Variants in ESCO1 observed in about 807,000 individuals in gnomAD.
ESCO1 encodes N-acetyltransferase ESCO1.
In ESCO1, 33 loss-of-function variants were observed where a neutral mutation model predicts 83.5. The ratio of observed to expected loss-of-function variants is 0.40; its 90% confidence interval spans 0.30 to 0.53. The LOEUF is 0.53. Ranked by LOEUF, ESCO1 falls within the 20% of genes least tolerant of loss-of-function variation. ESCO1 has a pLI of 0.63. For missense variants in ESCO1, 855 were observed against 968.0 expected (o/e 0.88, Z 1.55); for synonymous variants, 332 against 324.3 (o/e 1.02, Z -0.25).
intron 10 of ESCO1, among the ~76,000 whole-genome samples, chr18:21,533,904 T>C (rs1173368272): frequency 6.6e-6 from 1 of 152,136 alleles, no homozygotes; most frequent in African/African-American, 2.4e-5. Flanking sequence ...TATTTACTCA[T>C]TTATTATTTT....
intron 4 of ESCO1, among the ~76,000 whole-genome samples, chr18:21,570,934 C>A (rs1312384228): frequency 6.6e-6 from 1 of 151,488 alleles, no homozygotes; most frequent in Non-Finnish European, 1.5e-5. Flanking sequence ...CCGAGATGCA[C>A]CACTGCACTC....
chr18:21,555,974 G>C (rs1047502458), intron 8 of ESCO1, among the ~76,000 whole-genome samples: 4 of 151,918 alleles, frequency 2.6e-5, no homozygotes, highest in Non-Finnish European at 5.9e-5. Flanking sequence ...AATAAAACAG[G>C]GTGGGCGCAG....
At chr18:21,599,418 G>A (rs1231832370) in intron 1 of ESCO1, among the ~76,000 whole-genome samples, 1 of 152,198 alleles carries the variant, frequency 6.6e-6, no homozygotes, top group African/African-American at 2.4e-5. Flanking sequence ...TTGACCAGAA[G>A]ACAAAGTGAA....
chr18:21,594,046 G>A (rs557683757), intron 1 of ESCO1, among the ~76,000 whole-genome samples: 21 of 152,164 alleles, frequency 1.4e-4, no homozygotes, highest in Non-Finnish European at 2.8e-4. Context: ...TTTAGCAAGA[G>A]CAGCAGCAGC....
chr18:21,556,890 G>A (rs1276301592), intron 8 of ESCO1, among the ~76,000 whole-genome samples: 3 of 152,014 alleles, frequency 2.0e-5, no homozygotes, highest in African/African-American at 7.2e-5. Context: ...TACTAGTGAT[G>A]GGGTTTCACC....
chr18:21,576,391 T>G (rs1414514352), intron 2 of ESCO1, among the ~76,000 whole-genome samples: 10 of 152,262 alleles, frequency 6.6e-5, no homozygotes, highest in Admixed American at 2.0e-4. Context: ...CAGTCCAGGT[T>G]ACTTGGGAGA....
chr18:21,598,145 T>C (rs929692129), intron 1 of ESCO1, among the ~76,000 whole-genome samples: 2 of 152,172 alleles, frequency 1.3e-5, no homozygotes, highest in Non-Finnish European at 2.9e-5. Flanking sequence ...AAGAACTCTA[T>C]GTGGTACAAA....
chr18:21,541,620 G>T (rs1185159672), intron 8 of ESCO1, among the ~76,000 whole-genome samples: 1 of 146,946 alleles, frequency 6.8e-6, no homozygotes. Context: ...AAGAAAGAAA[G>T]TAAATCTGAA....
chr18:21,575,488 T>C, intron 3 of ESCO1, 58 bp from the exon 4 acceptor site: 1 of 398,306 alleles, frequency 2.5e-6, no homozygotes, highest in Non-Finnish European at 4.4e-6. Context: ...ATGTCAATGC[T>C]AATACTACAC....
At chr18:21,562,021 G>A (rs1001631686) in intron 7 of ESCO1, among the ~76,000 whole-genome samples, 3 of 151,876 alleles carry the variant, frequency 2.0e-5, no homozygotes, top group Admixed American at 2.0e-4. Context: ...CGGGATTACA[G>A]GCACCCACCA....
chr18:21,566,310 A>G, intron 5 of ESCO1, 104 bp from the exon 6 acceptor site: 1 of 977,390 alleles, frequency 1.0e-6, no homozygotes. Flanking sequence ...TCAATGCATT[A>G]AATGACTTAT....
intron 1 of ESCO1, among the ~76,000 whole-genome samples, chr18:21,592,119 C>T (rs1447865424): frequency 6.7e-6 from 1 of 149,668 alleles, no homozygotes; most frequent in African/African-American, 2.5e-5. Context: ...TTTTCCCCAC[C>T]TTTCCCGGCT....
intron 9 of ESCO1, among the ~76,000 whole-genome samples, chr18:21,538,683 T>C (rs1033410865): frequency 6.6e-6 from 1 of 152,198 alleles, no homozygotes; most frequent in African/African-American, 2.4e-5. Context: ...GAAGTATTCT[T>C]AAGTTTAAAG....
chr18:21,592,111 T>C (rs1327756764), intron 1 of ESCO1, among the ~76,000 whole-genome samples: 1 of 150,130 alleles, frequency 6.7e-6, no homozygotes, highest in African/African-American at 2.5e-5. Context: ...TCTCAATCTT[T>C]TCCCCACCTT....
intron 6 of ESCO1, among the ~76,000 whole-genome samples, chr18:21,564,557 AT>A (rs35032343): frequency 0.98 from 144,261 of 147,076 alleles, 70,791 homozygotes; most frequent in East Asian, 1. Context: ...CGCCCAGCTA[AT>A]TTTTTTTTTT....
intron 8 of ESCO1, among the ~76,000 whole-genome samples, chr18:21,542,588 A>C (rs2037920756): frequency 2.0e-5 from 3 of 152,250 alleles, no homozygotes; most frequent in South Asian, 2.1e-4. Context: ...AGTAACTCTT[A>C]GCAACTTCCA....
At chr18:21,540,081 C>A in intron 8 of ESCO1, 72 bp from the exon 9 acceptor site, 1 of 1,278,686 alleles carries the variant, frequency 7.8e-7, no homozygotes, top group Non-Finnish European at 1.1e-6. Flanking sequence ...TCATTATATC[C>A]ACGTACAAGA....
chr18:21,585,976 C>G (rs1384458000), intron 1 of ESCO1, among the ~76,000 whole-genome samples: 1 of 152,090 alleles, frequency 6.6e-6, no homozygotes, highest in South Asian at 2.1e-4. Flanking sequence ...CATACAACCA[C>G]GTAATAATCA....
In ESCO1 at chr18:21,574,324, G is replaced by T; in HGVS notation, c.520C>A (p.His174Asn). The T allele has an allele frequency of 6.2e-7, 1 of 1,613,634 alleles. No homozygotes were observed. The highest frequency in any genetic ancestry group is 8.5e-7 in the Non-Finnish European group (1 of 1,179,968). Residue 174 changes from histidine to asparagine, a missense_variant, in exon 4 of 12, where the codon CAT (histidine) becomes AAT (asparagine). Physicochemically the swap from His to Asn is moderately conservative, Grantham distance 68. Transcript: ENST00000269214. Reference sequence around the variant, plus strand: ...ACTTCCAGTACTTTTCTCTTCACATGTTTTTGACTTGTTTTATTAGATTTA... The same window carrying T: ...ACTTCCAGTACTTTTCTCTTCACATTTTTTTGACTTGTTTTATTAGATTTA... ...QSKSNKTSQKHVKRKVLEVKS... is the reference protein window; with the variant it reads ...QSKSNKTSQKNVKRKVLEVKS...
Sources: gnomAD v4.1 joint callset for allele counts (sites outside exome capture counted in the v4.1 genomes callset) on GRCh38, gnomAD v4.1.1 for gene constraint, MANE v1.5 for transcripts, NCBI Gene and HGNC (gene_info 2026-07-23, HGNC 2026-07-21) for gene names.